Variants in GPHN observed in about 807,000 individuals in gnomAD.
GPHN encodes gephyrin.
GPHN carries 17 observed loss-of-function variants against 95.5 expected under a neutral mutation model. The ratio of observed to expected loss-of-function variants is 0.18; its 90% CI spans 0.12 to 0.27. GPHN has a LOEUF of 0.27. Among genes scored for constraint, GPHN ranks in the 10% least tolerant of loss-of-function variants. The pLI is 1.00. For missense variants in GPHN, 660 were observed against 978.1 expected, an observed-to-expected ratio of 0.67 and a Z score of 4.34; for synonymous variants, 320 against 322.5, an observed-to-expected ratio of 0.99 and a Z score of 0.08.
the GPHN span, among the ~76,000 whole-genome samples, chr14:67,440,679 G>C: frequency 3.3e-5 from 5 of 152,038 alleles, no homozygotes; most frequent in Non-Finnish European, 7.4e-5. Context: ...TTAAACCTGG[G>C]AGCCAAAGGT....
At chr14:66,679,442 G>T (rs1341972131) in intron 1 of GPHN, among the ~76,000 whole-genome samples, 1 of 151,964 alleles carries the variant, frequency 6.6e-6, no homozygotes, top group East Asian at 1.9e-4. Context: ...TGCCAGTGTG[G>T]TGTTTGCCAT....
At position 66,962,637 on chromosome 14, in the gene GPHN, A is replaced by G. The variant is rs552349556; in HGVS notation, c.829-2554A>G. Among the ~76,000 whole-genome samples, 316 of 151,958 alleles carry G rather than the reference A, an allele frequency of 2.1e-3. 1 individual carries two copies. The highest frequency in any genetic ancestry group is 7.1e-3 in the African/African-American group (294 of 41,500). On this transcript the variant is annotated intron_variant, in intron 8 of 22. Coordinates refer to ENST00000478722, the MANE Select transcript of GPHN (RefSeq NM_020806.5). ...TTACTTTGCTTTATCATGCCTACTC[A>G]ATTCCTCCATTTGTATCTACTCTTT...
the GPHN span, chr14:67,472,299 G>C: frequency 6.6e-6 from 1 of 152,264 alleles, no homozygotes; most frequent in Non-Finnish European, 1.5e-5. Flanking sequence ...TGGATACCTG[G>C]CTTCTCCATC....
At chr14:66,683,690 C>G (rs2067148893) in intron 2 of GPHN, among the ~76,000 whole-genome samples, 1 of 150,366 alleles carries the variant, frequency 6.7e-6, no homozygotes, top group East Asian at 1.9e-4. Context: ...TTACAAAAAT[C>G]TCTTCGGCCA....
At chr14:67,586,846 A>C in the GPHN span, 2 of 1,497,558 alleles carry the variant, frequency 1.3e-6, no homozygotes, top group Non-Finnish European at 1.8e-6. Context: ...TCCTTTTCTC[A>C]GAAGGGCACT....
At chr14:67,187,557 G>A in the GPHN span, among the ~76,000 whole-genome samples, 1 of 152,180 alleles carries the variant, frequency 6.6e-6, no homozygotes. Flanking sequence ...GATCAATTCA[G>A]AACATAAATC....
intron 4 of GPHN, among the ~76,000 whole-genome samples, chr14:66,846,200 G>A (rs1024317433): frequency 6.6e-6 from 1 of 152,078 alleles, no homozygotes; most frequent in Non-Finnish European, 1.5e-5. Flanking sequence ...CTCAATTGAG[G>A]TTCCCCATCT....
intron 1 of GPHN, among the ~76,000 whole-genome samples, chr14:66,569,308 A>G (rs1295467739): frequency 2.6e-5 from 4 of 152,206 alleles, no homozygotes; most frequent in Admixed American, 6.5e-5. Context: ...TTTGTAGCTC[A>G]GCAACTTTTT....
intron 1 of GPHN, among the ~76,000 whole-genome samples, chr14:66,549,039 T>C (rs1364192118): frequency 6.6e-6 from 1 of 152,158 alleles, no homozygotes; most frequent in African/African-American, 2.4e-5. Flanking sequence ...ATACTATATC[T>C]CTAAGGATAA....
the GPHN span, among the ~76,000 whole-genome samples, chr14:67,288,327 C>T: frequency 6.6e-6 from 1 of 152,060 alleles, no homozygotes; most frequent in African/African-American, 2.4e-5. Context: ...GGTGATCTGC[C>T]CTCCTGAGCC....
chr14:67,067,229 C>T (rs1297252814), intron 11 of GPHN, among the ~76,000 whole-genome samples: 1 of 152,166 alleles, frequency 6.6e-6, no homozygotes, highest in Non-Finnish European at 1.5e-5. Context: ...GAGGTCCACT[C>T]CAGACACTGT....
chr14:67,302,681 C>A, the GPHN span: 1 of 829,316 alleles, frequency 1.2e-6, no homozygotes, highest in Non-Finnish European at 1.7e-6. Flanking sequence ...TGATTTCTAG[C>A]CTGATTTTTC....
chr14:66,908,059 C>T (rs1027055302), intron 5 of GPHN, among the ~76,000 whole-genome samples: 2 of 151,982 alleles, frequency 1.3e-5, no homozygotes, highest in South Asian at 2.1e-4. Context: ...AGTTTACACA[C>T]GTATTCCTTT....
At chr14:67,231,608 G>T in the GPHN span, among the ~76,000 whole-genome samples, 1 of 152,034 alleles carries the variant, frequency 6.6e-6, no homozygotes, top group Non-Finnish European at 1.5e-5. Context: ...TGCGGTGGTG[G>T]TTACATTAGT....
At chr14:67,697,503 G>A in the GPHN span, among the ~76,000 whole-genome samples, 1 of 152,178 alleles carries the variant, frequency 6.6e-6, no homozygotes, top group Non-Finnish European at 1.5e-5. Flanking sequence ...CTTAAATACT[G>A]CTTAATTATG....
the GPHN span, chr14:67,222,032 T>G: frequency 1.9e-6 from 1 of 513,150 alleles, no homozygotes. Context: ...TATGGTACTT[T>G]ACTACTTCAG....
chr14:66,911,246 A>T (rs1461008071), intron 5 of GPHN, among the ~76,000 whole-genome samples: 1 of 151,918 alleles, frequency 6.6e-6, no homozygotes, highest in Non-Finnish European at 1.5e-5. Flanking sequence ...TAGCTTAGTG[A>T]ATGCCTAGGG....
the GPHN span, among the ~76,000 whole-genome samples, chr14:67,550,604 G>A: frequency 6.6e-6 from 1 of 152,204 alleles, no homozygotes; most frequent in Non-Finnish European, 1.5e-5. Flanking sequence ...AGAGTGAGAG[G>A]TTCTAGGAAA....
intron 4 of GPHN, among the ~76,000 whole-genome samples, chr14:66,875,719 TGCACCCAATACAGGA>T (rs1160709137): frequency 6.6e-6 from 1 of 152,166 alleles, no homozygotes; most frequent in Non-Finnish European, 1.5e-5. Context: ...TAAATATATA[TGCACCCAATACAGGA>T]GCACCCAGAT....
Sources: allele counts gnomAD v4.1 joint callset (sites outside exome capture counted in the v4.1 genomes callset), GRCh38; gene constraint gnomAD v4.1.1; transcripts MANE v1.5; gene names NCBI Gene and HGNC (gene_info 2026-07-23, HGNC 2026-07-21).